The following ACAD10 variants were observed in gnomAD, a reference collection of about 807,000 sequenced individuals.
ACAD10 encodes the protein acyl-CoA dehydrogenase family member 10.
A neutral mutation model predicts 116.8 loss-of-function variants in ACAD10; 112 were observed. The ratio of observed to expected loss-of-function variants is 0.96; its 90% CI spans 0.82 to 1.12. The LOEUF (loss-of-function observed/expected upper bound fraction) is 1.12. ACAD10 is among the 50% of genes most tolerant of loss of function. The pLI is 0.00. For missense variants in ACAD10, 1,259 were observed against 1,350.2 expected, an observed-to-expected ratio of 0.93 and a Z score of 1.06; for synonymous variants, 486 against 510.6, an observed-to-expected ratio of 0.95 and a Z score of 0.65.
At chr12:111,699,508 A>G (rs1035045724) in intron 2 of ACAD10, among the ~76,000 whole-genome samples, 1 of 152,094 alleles carries the variant, frequency 6.6e-6, no homozygotes, top group Non-Finnish European at 1.5e-5. Context: ...AAATTGGATC[A>G]TATGCTGTAG....
intron 8 of ACAD10, among the ~76,000 whole-genome samples, chr12:111,722,199 T>G (rs1482355736): frequency 6.6e-6 from 1 of 152,078 alleles, no homozygotes; most frequent in African/African-American, 2.4e-5. Context: ...GTAGCTGGGA[T>G]TACAGGTGCC....
intron 18 of ACAD10, among the ~76,000 whole-genome samples, chr12:111,752,326 G>A (rs7964201): frequency 0.015 from 2,334 of 151,982 alleles, 70 homozygotes; most frequent in African/African-American, 0.053. Flanking sequence ...CAGGCTGGCC[G>A]GGTGCTGTGG....
intron 5 of ACAD10, chr12:111,710,154 A>G (rs527885685): frequency 9.6e-5 from 34 of 353,818 alleles, no homozygotes; most frequent in South Asian, 5.8e-4. Flanking sequence ...CAGTGGTGCA[A>G]TCATAGCTCA....
At position 111,747,075 on chromosome 12, in the gene ACAD10, G is replaced by T. The variant is rs141019211; in HGVS notation, c.2283G>T (p.Thr761=). Reference sequence around the variant, plus strand: ...TATGTAACTGCTCTGCGCCTGACACGGGCAACATGGAGCTGCTGGTGAGGT... The same window carrying T: ...TATGTAACTGCTCTGCGCCTGACACTGGCAACATGGAGCTGCTGGTGAGGT... The part of the protein sequence containing the change: ...PEVCNCSAPD[T]GNMELLVRYG... Residue 761 remains threonine (T), a synonymous_variant, in exon 15 of 21, where the codon ACG becomes ACT. Transcript: ENST00000313698. The T allele has an allele frequency of 3.7e-6, 6 of 1,610,198 alleles. No individual in the cohort carries two copies. In the African/African-American group the frequency reaches 8.0e-5, roughly 21 times the overall value.
intron 6 of ACAD10, chr12:111,715,593 A>T: frequency 2.0e-6 from 1 of 506,118 alleles, no homozygotes; most frequent in South Asian, 3.2e-5. Context: ...TATAAAATGA[A>T]TGGCCTTTGA....
At chr12:111,740,769 C>G (rs1262714556) in intron 12 of ACAD10, among the ~76,000 whole-genome samples, 4 of 120,210 alleles carry the variant, frequency 3.3e-5, no homozygotes, top group Non-Finnish European at 4.8e-5. Context: ...GGTGACAGAG[C>G]GAGACTCCAT....
rs1006251249 is a variant in ACAD10 at position 111,712,592 on chromosome 12, C to T, written c.785C>T (p.Thr262Met). ...CCAAACACTCGGCCTGTGAAAAAGA[C>T]GATGGAAATTCCGAAAGATTCCTTG... ...GVPNTRPVKK[T>M]MEIPKDSLQK... is the part of the protein sequence containing the mutation. Residue 262 changes from threonine (T) to methionine (M), a missense_variant, in exon 6 of 21, where the codon ACG becomes ATG. By Grantham distance (81) the Thr-to-Met change is moderately conservative (BLOSUM62 -1). Transcript: ENST00000313698. The T allele has an allele frequency of 1.6e-5, 26 of 1,613,960 alleles. No homozygotes were observed. The highest frequency in any genetic ancestry group is 8.9e-5 in the East Asian group (4 of 44,892).
intron 4 of ACAD10, among the ~76,000 whole-genome samples, chr12:111,709,196 G>A (rs1888595575): frequency 6.6e-6 from 1 of 152,132 alleles, no homozygotes; most frequent in Non-Finnish European, 1.5e-5. Context: ...AACTTACTGA[G>A]CTAAGATAGG....
In ACAD10 at chr12:111,733,094, CT is replaced by C. The variant is rs369601982; in HGVS notation, c.1395-818del. ...GCATGGCAACTTCTGGGTAACTGGA[CT>C]TTTTTTTTTTGAGACAGGATCTTGC... On this transcript the variant is annotated intron_variant, in intron 10 of 20. Transcript: ENST00000313698. Among the ~76,000 whole-genome samples, 1,316 of 146,560 alleles carry C rather than the reference CT, an allele frequency of 9.0e-3. 11 individuals carry two copies. The highest frequency in any genetic ancestry group is 0.014 in the Non-Finnish European group (903 of 66,150).
At chr12:111,702,024 G>C in intron 2 of ACAD10, 138 bp from the exon 3 acceptor site, 1 of 869,630 alleles carries the variant, frequency 1.1e-6, no homozygotes, top group Non-Finnish European at 1.8e-6. Context: ...TGCATTTTGT[G>C]AATGTCTGCA....
At chr12:111,706,762 T>TTATA (rs1207421681) in intron 4 of ACAD10, among the ~76,000 whole-genome samples, 20 of 131,588 alleles carry the variant, frequency 1.5e-4, no homozygotes, top group South Asian at 5.1e-4. Context: ...ATTTATTTTT[T>TTATA]TATATATATA....
At chr12:111,688,625 A>G (rs1887950228) in intron 1 of ACAD10, among the ~76,000 whole-genome samples, 1 of 151,648 alleles carries the variant, frequency 6.6e-6, no homozygotes, top group South Asian at 2.1e-4. Flanking sequence ...AACATGGTTA[A>G]CACCCGTCTC....
At chr12:111,747,557 G>T in intron 16 of ACAD10, 172 bp downstream of exon 16, 1 of 1,446,750 alleles carries the variant, frequency 6.9e-7, no homozygotes, top group Non-Finnish European at 9.1e-7. Context: ...AATCCGTGGA[G>T]CACACTGTTC....
rs979315211 is a variant in ACAD10, at chr12:111,733,850, A to G, written c.1395-73A>G. 6 of 1,596,948 alleles carry G rather than the reference A, an allele frequency of 3.8e-6. No homozygotes were observed. The Admixed American group carries it at 1.0e-4, about 27-fold the overall frequency. On this transcript the variant is annotated intron_variant, in intron 10 of 20. Transcript: ENST00000313698. The stretch of plus-strand genomic sequence containing the variant: ...GGTGGGGAGCCAAGCCTAAAGGGCA[A>G]ACAGACCACGCAGAATCCACCCTAG...
chr12:111,749,356 T>TC lies in ACAD10; in HGVS notation c.2817+16dup. The TC allele has an allele frequency of 6.2e-7, 1 of 1,605,634 alleles. No individual in the cohort carries two copies. The highest frequency in any genetic ancestry group is 8.5e-7 in the Non-Finnish European group (1 of 1,175,024). The stretch of plus-strand genomic sequence containing the variant: ...CTCATGAAGGCCCGCGTGAGTGCTT[T>TC]CCCCCGCACCCAGCACTGACTCAGA... On this transcript the variant is annotated intron_variant, in intron 18 of 20. Transcript: ENST00000313698.
chr12:111,697,550 A>G (rs2135945820), intron 2 of ACAD10, among the ~76,000 whole-genome samples: 1 of 147,780 alleles, frequency 6.8e-6, no homozygotes, highest in Non-Finnish European at 1.5e-5. Flanking sequence ...CAGTAGAGAC[A>G]GGGTTTCGCC....
chr12:111,735,255 T>TTAAATTAA (rs1345696185), intron 11 of ACAD10, among the ~76,000 whole-genome samples: 10 of 152,090 alleles, frequency 6.6e-5, no homozygotes, highest in African/African-American at 2.4e-4. Flanking sequence ...GGAAGACATT[T>TTAAATTAA]GGGTTAATTC....
Position 111,755,853 on chromosome 12 carries a change from T to TCACCC in ACAD10, c.3039+109_3039+113dup, listed in dbSNP as rs759276508. On this transcript the variant is annotated intron_variant, in intron 20 of 20. Transcript: ENST00000313698. ...CATAGACCCTGGCAGATGCCCTGTGTCACCCACTCACCATGCATGCAACTT... is the reference window on the plus strand; with the variant it reads ...CATAGACCCTGGCAGATGCCCTGTGTCACCCCACCCACTCACCATGCATGCAACTT... 3.7e-6 allele frequency: 4 copies of TCACCC among 1,094,114 alleles called. No individual in the cohort carries two copies. In the African/African-American group the frequency reaches 6.2e-5, roughly 17 times the overall value. 67.8% of individuals were successfully genotyped at this position (1,094,114 alleles called of 1,614,324 possible). A position where few individuals can be genotyped will look rare whatever the true frequency, so the allele number is the denominator to read the frequency against.
intron 19 of ACAD10, among the ~76,000 whole-genome samples, chr12:111,755,352 C>T (rs570214568): frequency 1.7e-4 from 26 of 152,078 alleles, no homozygotes; most frequent in Non-Finnish European, 3.5e-4. Context: ...GTGATCTGCC[C>T]GCCTCGGCCT....
Sources: allele counts gnomAD v4.1 joint callset (sites outside exome capture counted in the v4.1 genomes callset), GRCh38; gene constraint gnomAD v4.1.1; transcripts MANE v1.5; gene names NCBI Gene and HGNC (gene_info 2026-07-23, HGNC 2026-07-21).